The following RBFOX1 variants were observed in gnomAD, a reference collection of about 807,000 sequenced individuals.
RBFOX1 encodes the protein RNA binding protein fox-1 homolog 1.
Under a neutral mutation model 57.7 loss-of-function variants are expected in RBFOX1, and 8 were observed. The ratio of observed to expected loss-of-function variants is 0.14; its 90% confidence interval spans 0.08 to 0.25. The LOEUF (loss-of-function observed/expected upper bound fraction) is 0.25, where lower values mean the gene tolerates loss of function less well. RBFOX1 is among the 10% of genes least tolerant of loss of function. The pLI, the probability that RBFOX1 is intolerant of heterozygous loss-of-function variation, is 1.00. For synonymous variants in RBFOX1, 326 were observed against 222.4 expected, an observed-to-expected ratio of 1.47 and a Z score of -4.15; for missense variants, 611 against 548.5, an observed-to-expected ratio of 1.11 and a Z score of -1.14.
chr16:7,646,287 A>T (rs1597226395), intron 11 of RBFOX1, among the ~76,000 whole-genome samples: 1 of 152,222 alleles, frequency 6.6e-6, no homozygotes, highest in Admixed American at 6.5e-5. Context: ...ATTTCGCCTC[A>T]GTATGTTACC....
intron 1 of RBFOX1, among the ~76,000 whole-genome samples, chr16:5,430,889 G>A (rs946873599): frequency 5.5e-4 from 84 of 152,318 alleles, no homozygotes; most frequent in African/African-American, 2.0e-3. Context: ...GTATAAAGGA[G>A]AAATAAAAAG....
chr16:6,972,542 A>T (rs956365827), intron 3 of RBFOX1, among the ~76,000 whole-genome samples: 1 of 152,104 alleles, frequency 6.6e-6, no homozygotes, highest in Non-Finnish European at 1.5e-5. Flanking sequence ...TGCTGCTTTG[A>T]ACATGGGGAT....
intron 3 of RBFOX1, among the ~76,000 whole-genome samples, chr16:6,786,687 TCCCTGAATGGGGACC>T (rs1479749167): frequency 4.6e-5 from 7 of 152,172 alleles, no homozygotes; most frequent in Non-Finnish European, 1.0e-4. Context: ...AGTTCTGTTT[TCCCTGAATGGGGACC>T]CTAGCACTAC....
chr16:5,762,751 A>C (rs533979207), intron 3 of RBFOX1, among the ~76,000 whole-genome samples: 2 of 152,206 alleles, frequency 1.3e-5, no homozygotes, highest in African/African-American at 4.8e-5. Flanking sequence ...CAGCCATTAA[A>C]TATGATTTGG....
chr16:5,669,683 G>A (rs1033824954), intron 3 of RBFOX1, among the ~76,000 whole-genome samples: 1 of 152,144 alleles, frequency 6.6e-6, no homozygotes, highest in Non-Finnish European at 1.5e-5. Flanking sequence ...CACCCAAAGT[G>A]GTGAGATTAC....
At chr16:5,942,945 G>C (rs2152267365) in intron 4 of RBFOX1, among the ~76,000 whole-genome samples, 1 of 152,300 alleles carries the variant, frequency 6.6e-6, no homozygotes, top group South Asian at 2.1e-4. Context: ...AGCCTACACT[G>C]TCTCGGGCTG....
intron 3 of RBFOX1, among the ~76,000 whole-genome samples, chr16:6,799,699 C>T (rs74007060): frequency 0.062 from 9,495 of 152,162 alleles, 999 homozygotes; most frequent in African/African-American, 0.22. Context: ...GCTGAGTCTT[C>T]CACCTTTCGT....
At chr16:5,917,191 C>T (rs974317935) in intron 4 of RBFOX1, among the ~76,000 whole-genome samples, 4 of 152,174 alleles carry the variant, frequency 2.6e-5, no homozygotes, top group Non-Finnish European at 5.9e-5. Context: ...TTTTCACTCC[C>T]AGCGCCCGTG....
chr16:6,483,440 C>G (rs767271193), intron 2 of RBFOX1: 6 of 1,535,674 alleles, frequency 3.9e-6, no homozygotes, highest in African/African-American at 1.4e-5. Flanking sequence ...GCTGTTGCCT[C>G]GGACTTCTCC....
At chr16:6,371,134 A>G (rs2090376577) in intron 2 of RBFOX1, among the ~76,000 whole-genome samples, 1 of 152,196 alleles carries the variant, frequency 6.6e-6, no homozygotes, top group African/African-American at 2.4e-5. Flanking sequence ...GATGTCTCTC[A>G]GATATCTCCA....
chr16:7,187,785 T>G (rs1450150670), intron 4 of RBFOX1, among the ~76,000 whole-genome samples: 1 of 145,588 alleles, frequency 6.9e-6, no homozygotes, highest in African/African-American at 2.6e-5. Context: ...TGTAAAATAA[T>G]ATTCATCAGC....
At chr16:6,010,936 A>G (rs2152338067) in intron 4 of RBFOX1, among the ~76,000 whole-genome samples, 1 of 152,350 alleles carries the variant, frequency 6.6e-6, no homozygotes, top group African/African-American at 2.4e-5. Context: ...ACAGAAATGT[A>G]AATTATGTGA....
intron 4 of RBFOX1, among the ~76,000 whole-genome samples, chr16:5,973,714 AT>A (rs2060008275): frequency 1.3e-5 from 2 of 152,250 alleles, no homozygotes; most frequent in African/African-American, 4.8e-5. Flanking sequence ...GTTCTAAACA[AT>A]AATACATTTA....
rs555775236 is a variant in RBFOX1, at chr16:7,454,739, A to G, written c.28-63408A>G. ...AAGATCCAACCATCTCTCGATGTAT[A>G]CATTTCTACCATGAACATGTGCAAT... is the stretch of plus-strand genomic sequence containing the variant. On this transcript the variant is annotated intron_variant, in intron 4 of 15. Transcript: ENST00000550418. Among the ~76,000 whole-genome samples the G allele has an allele frequency of 9.8e-5, 15 of 152,332 alleles. No individual in the cohort carries two copies. In the East Asian group the frequency reaches 2.3e-3, roughly 24 times the overall value.
At chr16:6,299,484 G>T (rs79422540) in intron 1 of RBFOX1, among the ~76,000 whole-genome samples, 3,586 of 152,144 alleles carry the variant, frequency 0.024, 151 homozygotes, top group African/African-American at 0.081. Flanking sequence ...AGGTCACAGC[G>T]CCAGCACATG....
At chr16:6,305,987 G>A (rs1268863337) in intron 1 of RBFOX1, among the ~76,000 whole-genome samples, 2 of 152,192 alleles carry the variant, frequency 1.3e-5, no homozygotes, top group African/African-American at 2.4e-5. Flanking sequence ...GGTCTCAGAT[G>A]GCAGAGAAAC....
intron 3 of RBFOX1, among the ~76,000 whole-genome samples, chr16:6,743,040 C>G (rs1051400223): frequency 3.9e-5 from 6 of 152,132 alleles, no homozygotes; most frequent in Non-Finnish European, 7.4e-5. Context: ...ACCAATGTCA[C>G]TAGCAGGATA....
rs575435366 is a variant in RBFOX1 at position 7,030,264 on chromosome 16, G to A, written c.-15-21793G>A. Among the ~76,000 whole-genome samples, 22 of 152,256 alleles carry A rather than the reference G, an allele frequency of 1.4e-4. No individual in the cohort carries two copies. In the South Asian group the frequency reaches 4.1e-3, roughly 29 times the overall value. On this transcript the variant is annotated intron_variant, in intron 3 of 15. Transcript: ENST00000550418. ...AGATGGGATGGAGTGGAGTGCCTCT[G>A]TTTAATGGAGTCAGGACTTTCATAC...
intron 2 of RBFOX1, among the ~76,000 whole-genome samples, chr16:6,488,435 T>C (rs1215634676): frequency 2.0e-5 from 3 of 152,206 alleles, no homozygotes; most frequent in Admixed American, 2.0e-4. Flanking sequence ...GGGCACTTAC[T>C]GACTCCCTCT....
Sources: gnomAD v4.1 joint callset for allele counts (sites outside exome capture counted in the v4.1 genomes callset) on GRCh38, gnomAD v4.1.1 for gene constraint, MANE v1.5 for transcripts, NCBI Gene and HGNC (gene_info 2026-07-23, HGNC 2026-07-21) for gene names.